Variants in ZFX observed in about 807,000 individuals in gnomAD.
The protein encoded by ZFX is zinc finger protein X-linked.
For synonymous variants in ZFX, 196 were observed against 226.8 expected (o/e 0.86, Z 1.22); for missense variants, 362 against 628.3 (o/e 0.58, Z 4.53).
chrX:24,163,441 G>A (rs1423627644), intron 3 of ZFX, among the ~76,000 whole-genome samples: 1 of 81,965 alleles, frequency 1.2e-5, no homozygotes, highest in Non-Finnish European at 2.2e-5. Context: ...GCAATGGCGC[G>A]ATCTTGGCTC....
rs1413709067 is a variant in ZFX, at chrX:24,179,488, A to T, written c.364A>T (p.Ile122Phe). The change falls in exon 5 of 10, where the codon ATT (isoleucine) becomes TTT (phenylalanine). Residue 122 changes from isoleucine to phenylalanine, a missense_variant. Transcript: ENST00000304543. ...CCCAGATGATGTTTTAGCTTCTGAC[A>T]TTACTTCAGCCTCAATGTCTATGCC... ...TVPDDVLASD[I>F]TSASMSMPEH... 2.5e-6 allele frequency: 3 copies of T among 1,210,992 alleles called. No homozygotes were observed. In the African/African-American group the frequency reaches 5.2e-5, roughly 21 times the overall value.
intron 3 of ZFX, among the ~76,000 whole-genome samples, chrX:24,158,005 C>T (rs1263842818): frequency 9.0e-6 from 1 of 110,871 alleles, no homozygotes; most frequent in African/African-American, 3.3e-5. Context: ...GCAATCTGCC[C>T]GCCTCGGCCT....
rs375761847 is a variant in ZFX at position 24,179,486 on chromosome X, A to C, written c.362A>C (p.Asp121Ala). The C allele has an allele frequency of 1.9e-5, 23 of 1,211,001 alleles. No individual in the cohort carries two copies. Among genetic ancestry groups the C allele is most frequent in the Non-Finnish European group, 2.3e-5 (21 of 895,522 alleles). ...GTCCCAGATGATGTTTTAGCTTCTG[A>C]CATTACTTCAGCCTCAATGTCTATG... The part of the protein sequence containing the change: ...CTVPDDVLAS[D>A]ITSASMSMPE... The change falls in exon 5 of 10, where the codon GAC becomes GCC. Residue 121 changes from aspartate (D) to alanine (A), a missense_variant. Asp to Ala is a moderately radical substitution (Grantham distance 126). Coordinates refer to ENST00000304543, the MANE Select transcript of ZFX (RefSeq NM_003410.4).
chrX:24,212,747 C>CAGTT lies in ZFX; in HGVS notation c.*1373_*1376dup, dbSNP rs898601785. On this transcript the variant is annotated 3_prime_UTR_variant, in exon 10 of 10. Transcript: ENST00000304543. Reference sequence around the variant, plus strand: ...AAGTTCAGGCTGATCTGTTATTTCTCAGTTACAGTTAGCAAACTTTAAAAA... The same window carrying CAGTT: ...AAGTTCAGGCTGATCTGTTATTTCTCAGTTAGTTACAGTTAGCAAACTTTAAAAA... 3.5e-4 allele frequency: 39 copies of CAGTT among 112,307 alleles called. 1 individual carries two copies. Among genetic ancestry groups the CAGTT allele is most frequent in the Non-Finnish European group, 3.8e-5 (2 of 53,210 alleles). 9.3% of individuals were successfully genotyped at this position (112,307 alleles called of 1,213,427 possible). A position where few individuals can be genotyped will look rare whatever the true frequency, so the allele number is the denominator to read the frequency against.
rs1935464355 is a variant in ZFX, at chrX:24,179,355, G to C, written c.231G>C (p.Gln77His). The change falls in exon 5 of 10, where the codon CAG (glutamine) becomes CAC (histidine). Residue 77 changes from glutamine (Q) to histidine (H), a missense_variant. Gln to His is a conservative substitution (Grantham distance 24). Transcript: ENST00000304543. ...VIEDVVIEDV[Q>H]CPDIMEEADV... is the part of the protein sequence containing the mutation. ...AGGACGTTGTTATAGAAGATGTTCA[G>C]TGCCCAGATATCATGGAAGAAGCAG... The C allele has an allele frequency of 1.7e-6, 2 of 1,212,109 alleles. No individual in the cohort carries two copies. The highest frequency in any genetic ancestry group is 2.2e-6 in the Non-Finnish European group (2 of 895,632).
intron 3 of ZFX, among the ~76,000 whole-genome samples, chrX:24,169,050 C>A (rs746269749): frequency 9.0e-6 from 1 of 111,232 alleles, no homozygotes; most frequent in Non-Finnish European, 1.9e-5. Context: ...GTTCTGAGAA[C>A]AGTTTCATTC....
chrX:24,156,667 T>G, intron 3 of ZFX, among the ~76,000 whole-genome samples: 1 of 102,833 alleles, frequency 9.7e-6, no homozygotes, highest in Non-Finnish European at 2.0e-5. Context: ...AGCCTTTTTT[T>G]TTTTGGAGAC....
rs1348488111 is a variant in ZFX, at chrX:24,213,979, G to A, written c.*2603G>A. Reference sequence around the variant, plus strand: ...ATTTTATATTTCTCTTACATACTCCGGAATCATACACAGTTCTTTTTAAAG... The same window carrying A: ...ATTTTATATTTCTCTTACATACTCCAGAATCATACACAGTTCTTTTTAAAG... On this transcript the variant is annotated 3_prime_UTR_variant, in exon 10 of 10. Transcript: ENST00000304543. 2 of 110,658 alleles carry A rather than the reference G, an allele frequency of 1.8e-5. No homozygotes were observed. Among genetic ancestry groups the A allele is most frequent in the East Asian group, 2.8e-4 (1 of 3,563 alleles). 9.1% of individuals were successfully genotyped at this position (110,658 alleles called of 1,213,427 possible).
chrX:24,149,374 C>CGAGGCG (rs1931678126), upstream of ZFX: 1 of 110,149 alleles, frequency 9.1e-6, no homozygotes, highest in African/African-American at 3.3e-5. Flanking sequence ...GCTTTACGGC[C>CGAGGCG]GAGGCGGCGG....
chrX:24,203,362 C>T (rs1318253780), intron 5 of ZFX, among the ~76,000 whole-genome samples: 1 of 112,131 alleles, frequency 8.9e-6, no homozygotes, highest in South Asian at 3.7e-4. Flanking sequence ...CCAGCAAAAA[C>T]GGGCACCTGA....
chrX:24,188,757 G>C (rs1196179464), intron 5 of ZFX, among the ~76,000 whole-genome samples: 2 of 112,017 alleles, frequency 1.8e-5, no homozygotes, highest in South Asian at 7.4e-4. Context: ...AGGTAAGAGC[G>C]AATTCAGAAA....
At chrX:24,152,954 A>T (rs1412879422) in intron 3 of ZFX, 124 bp downstream of exon 3, 1 of 112,589 alleles carries the variant, frequency 8.9e-6, no homozygotes, top group Non-Finnish European at 1.9e-5. Context: ...ACCACCCTGG[A>T]TGAATAAGGT....
intron 4 of ZFX, among the ~76,000 whole-genome samples, chrX:24,178,267 A>G (rs1290701179): frequency 1.9e-5 from 2 of 103,681 alleles, no homozygotes; most frequent in Non-Finnish European, 3.9e-5. Flanking sequence ...TTAAGTACCT[A>G]TGTGTATGGT....
At chrX:24,149,713 A>G (rs1481215738), upstream of ZFX, 1 of 108,567 alleles carries the variant, frequency 9.2e-6, no homozygotes, top group African/African-American at 3.3e-5. Flanking sequence ...CCGCCCCACC[A>G]GCCGGAGCCC....
intron 9 of ZFX, among the ~76,000 whole-genome samples, chrX:24,209,928 TAA>T (rs1431926150): frequency 8.9e-6 from 1 of 112,276 alleles, no homozygotes; most frequent in African/African-American, 3.2e-5. Flanking sequence ...CACTAATTGA[TAA>T]AAGTTACATA....
chrX:24,153,662 T>G, intron 3 of ZFX, among the ~76,000 whole-genome samples: 1 of 111,713 alleles, frequency 9.0e-6, no homozygotes, highest in Non-Finnish European at 1.9e-5. Context: ...CTCTGTGCCT[T>G]CTCTGTCTTC....
At chrX:24,168,872 A>G (rs2704843) in intron 3 of ZFX, among the ~76,000 whole-genome samples, 42,263 of 108,497 alleles carry the variant, frequency 0.39, 6,178 homozygotes, top group South Asian at 0.78. Flanking sequence ...GTTCACCCAA[A>G]TTCTGAGATT....
chrX:24,168,673 T>C (rs1601836180), intron 3 of ZFX, among the ~76,000 whole-genome samples: 1 of 27,934 alleles, frequency 3.6e-5, no homozygotes, highest in South Asian at 3.3e-3. Context: ...CTTTCTTTCT[T>C]TTTTTTTTTT....
chrX:24,169,277 G>A (rs748200351), intron 3 of ZFX, among the ~76,000 whole-genome samples: 1 of 111,975 alleles, frequency 8.9e-6, no homozygotes, highest in East Asian at 2.8e-4. Context: ...TGCACGTGAT[G>A]TAAAAGGATG....
Sources: allele counts gnomAD v4.1 joint callset (sites outside exome capture counted in the v4.1 genomes callset), GRCh38; gene constraint gnomAD v4.1.1; transcripts MANE v1.5; gene names NCBI Gene and HGNC (gene_info 2026-07-23, HGNC 2026-07-21).